Variants in LRRC4C observed in about 807,000 individuals in gnomAD.
LRRC4C encodes leucine rich repeat containing 4C.
In LRRC4C, 5 loss-of-function variants were observed where a neutral mutation model predicts 33.6. The ratio of observed to expected loss-of-function variants is 0.15; its 90% CI spans 0.08 to 0.31. LRRC4C has a LOEUF of 0.31. LRRC4C is among the 10% of genes least tolerant of loss of function. The probability of loss-of-function intolerance (pLI) is 1.00; values close to 1 mark genes in which losing one functional copy is unlikely to be tolerated. For synonymous variants in LRRC4C, 329 were observed against 302.0 expected (o/e 1.09, Z -0.93); for missense variants, 560 against 796.7 (o/e 0.70, Z 3.58).
chr11:41,432,833 T>G (rs1955288184), intron 1 of LRRC4C, among the ~76,000 whole-genome samples: 1 of 152,150 alleles, frequency 6.6e-6, no homozygotes, highest in Non-Finnish European at 1.5e-5. Flanking sequence ...AGAAGTACTA[T>G]AATAAACCCT....
intron 2 of LRRC4C, among the ~76,000 whole-genome samples, chr11:40,681,569 T>C (rs1944687523): frequency 6.6e-6 from 1 of 152,170 alleles, no homozygotes; most frequent in Non-Finnish European, 1.5e-5. Flanking sequence ...AATTGTTCAG[T>C]TCATAGAATG....
chr11:40,870,568 T>G (rs1413174605), intron 2 of LRRC4C, among the ~76,000 whole-genome samples: 2 of 152,178 alleles, frequency 1.3e-5, no homozygotes, highest in African/African-American at 4.8e-5. Flanking sequence ...ACTTTTATAA[T>G]TTCTTACACC....
chr11:41,141,194 C>T (rs1344108819), intron 1 of LRRC4C, among the ~76,000 whole-genome samples: 1 of 151,952 alleles, frequency 6.6e-6, no homozygotes, highest in East Asian at 1.9e-4. Context: ...TTTCCTAGAA[C>T]CAGGTTTTTA....
chr11:40,177,792 C>A (rs1448067423), intron 5 of LRRC4C, among the ~76,000 whole-genome samples: 1 of 152,120 alleles, frequency 6.6e-6, no homozygotes, highest in Admixed American at 6.5e-5. Context: ...GTTATTGCTT[C>A]TTTTCTATTT....
At chr11:41,271,657 A>G (rs1220514399) in intron 1 of LRRC4C, among the ~76,000 whole-genome samples, 1 of 152,098 alleles carries the variant, frequency 6.6e-6, no homozygotes, top group Non-Finnish European at 1.5e-5. Context: ...TACCGTATTT[A>G]TTAATTAGTT....
chr11:40,709,400 G>A (rs979342854), intron 2 of LRRC4C, among the ~76,000 whole-genome samples: 1 of 152,096 alleles, frequency 6.6e-6, no homozygotes. Flanking sequence ...GGCAGGCCTG[G>A]TGGTGACAAA....
chr11:40,131,909 T>C (rs1856669795), intron 6 of LRRC4C, among the ~76,000 whole-genome samples: 1 of 152,218 alleles, frequency 6.6e-6, no homozygotes, highest in African/African-American at 2.4e-5. Context: ...CCGTATTTGA[T>C]TATTATTTCC....
chr11:40,158,842 A>G (rs1858922286), intron 5 of LRRC4C, among the ~76,000 whole-genome samples: 1 of 152,200 alleles, frequency 6.6e-6, no homozygotes, highest in Admixed American at 6.5e-5. Flanking sequence ...CTTCATCATG[A>G]AACTCATATC....
chr11:40,651,669 T>A (rs1336216465), intron 2 of LRRC4C, among the ~76,000 whole-genome samples: 1 of 152,200 alleles, frequency 6.6e-6, no homozygotes, highest in African/African-American at 2.4e-5. Flanking sequence ...TATCAGAAGG[T>A]GATTCCATGG....
At chr11:40,833,374 T>A (rs890486396) in intron 2 of LRRC4C, among the ~76,000 whole-genome samples, 1 of 152,142 alleles carries the variant, frequency 6.6e-6, no homozygotes, top group African/African-American at 2.4e-5. Context: ...TCACATTTAG[T>A]TAAAAAAAGG....
intron 1 of LRRC4C, among the ~76,000 whole-genome samples, chr11:41,157,438 A>G (rs1944284477): frequency 6.6e-6 from 1 of 152,160 alleles, no homozygotes; most frequent in Non-Finnish European, 1.5e-5. Context: ...GAAAAAAAAG[A>G]ACCATTTAAA....
intron 3 of LRRC4C, among the ~76,000 whole-genome samples, chr11:40,343,926 T>A (rs1177246745): frequency 2.0e-5 from 3 of 151,892 alleles, no homozygotes; most frequent in Non-Finnish European, 4.4e-5. Context: ...CCTAGAGACA[T>A]ACAACATTTG....
chr11:40,845,128 T>C (rs931873019), intron 2 of LRRC4C, among the ~76,000 whole-genome samples: 1 of 151,724 alleles, frequency 6.6e-6, no homozygotes, highest in Non-Finnish European at 1.5e-5. Context: ...TCATAATCTC[T>C]TTTTTCTTTT....
rs1289766806 is a variant in LRRC4C at position 40,702,843 on chromosome 11, AAT to A, written c.-406-54567_-406-54566del. 1.3e-5 allele frequency among the ~76,000 whole-genome samples: 2 copies of A among 152,080 alleles called. 1 individual carries two copies. The highest frequency in any genetic ancestry group is 2.9e-5 in the Non-Finnish European group (2 of 68,020). On this transcript the variant is annotated intron_variant, in intron 2 of 6. Coordinates refer to ENST00000528697, the MANE Select transcript of LRRC4C (RefSeq NM_001258419.2). ...ATGGAAGTTGCTTAACATTGAATTC[AAT>A]ATCTTTGGACCCCACTCCTTCATCC...
intron 1 of LRRC4C, among the ~76,000 whole-genome samples, chr11:41,032,520 G>T (rs1421238499): frequency 6.6e-6 from 1 of 151,582 alleles, no homozygotes; most frequent in East Asian, 1.9e-4. Context: ...TTTATAATTT[G>T]CAATATTGAC....
chr11:40,898,209 C>T (rs781502349), intron 2 of LRRC4C, among the ~76,000 whole-genome samples: 9 of 151,638 alleles, frequency 5.9e-5, no homozygotes, highest in Non-Finnish European at 1.3e-4. Context: ...ACAAAATTAG[C>T]CAGGCGTAGT....
At chr11:40,424,420 C>G (rs1032881302) in intron 3 of LRRC4C, among the ~76,000 whole-genome samples, 1 of 152,098 alleles carries the variant, frequency 6.6e-6, no homozygotes, top group African/African-American at 2.4e-5. Context: ...AGATAACCCA[C>G]CTCTATTTTT....
intron 1 of LRRC4C, among the ~76,000 whole-genome samples, chr11:41,055,048 A>T (rs1396328240): frequency 6.6e-6 from 1 of 152,236 alleles, no homozygotes; most frequent in African/African-American, 2.4e-5. Context: ...ATCAGGAAAT[A>T]GAAAAATACC....
intron 3 of LRRC4C, among the ~76,000 whole-genome samples, chr11:40,606,228 T>C (rs1431333395): frequency 6.6e-6 from 1 of 152,170 alleles, no homozygotes; most frequent in East Asian, 1.9e-4. Flanking sequence ...AAAAGGGATA[T>C]AGGTCACTTA....
Sources: allele counts gnomAD v4.1 joint callset (sites outside exome capture counted in the v4.1 genomes callset), GRCh38; gene constraint gnomAD v4.1.1; transcripts MANE v1.5; gene names NCBI Gene and HGNC (gene_info 2026-07-23, HGNC 2026-07-21).